SVIL: variants seen among roughly 807,000 people sequenced by gnomAD.
SVIL encodes the protein supervillin.
A neutral mutation model predicts 240.4 loss-of-function variants in SVIL; 101 were observed. The observed-to-expected ratio is 0.42, with a 90% CI of 0.36 to 0.50. SVIL has a LOEUF of 0.50. Ranked by LOEUF, SVIL falls within the 20% of genes least tolerant of loss-of-function variation. The pLI is 0.01. For synonymous variants in SVIL, 999 were observed against 1,100.0 expected, an observed-to-expected ratio of 0.91 and a Z score of 1.82; for missense variants, 2,512 against 2,818.7, an observed-to-expected ratio of 0.89 and a Z score of 2.46.
chr10:29,582,187 C>T (rs1650212120), intron 1 of SVIL, among the ~76,000 whole-genome samples: 1 of 152,170 alleles, frequency 6.6e-6, no homozygotes, highest in Non-Finnish European at 1.5e-5. Context: ...CCGAACTGTT[C>T]ACTTAAACGT....
intron 17 of SVIL, among the ~76,000 whole-genome samples, chr10:29,501,223 T>A (rs1416204184): frequency 8.3e-6 from 1 of 120,314 alleles, no homozygotes; most frequent in Non-Finnish European, 1.8e-5. Flanking sequence ...ACAAAGGGCA[T>A]TATTGGAGGA....
At chr10:29,642,242 T>A (rs969515425) in intron 3 of SVIL, among the ~76,000 whole-genome samples, 4 of 151,750 alleles carry the variant, frequency 2.6e-5, no homozygotes, top group African/African-American at 9.7e-5. Flanking sequence ...CTACTAAAAA[T>A]ACAAAAATTA....
At chr10:29,627,794 A>G (rs1199536714) in intron 1 of SVIL, among the ~76,000 whole-genome samples, 1 of 152,236 alleles carries the variant, frequency 6.6e-6, no homozygotes, top group Non-Finnish European at 1.5e-5. Context: ...CCTATTCTGA[A>G]GCACAATGAC....
rs985536505 is a variant in SVIL at position 29,471,576 on chromosome 10, T to C, written c.5530-333A>G. Among the ~76,000 whole-genome samples the C allele has an allele frequency of 3.3e-5, 5 of 152,244 alleles. 1 individual carries two copies. Among genetic ancestry groups the C allele is most frequent in the African/African-American group, 1.2e-4 (5 of 41,482 alleles). ...TATTTTAATGGTATTCTGTGGTTAT[T>C]GATGTCACAAGACTGATATAAATAC... On this transcript the variant is annotated intron_variant, in intron 30 of 37. Transcript: ENST00000355867.
At chr10:29,545,604 C>A (rs561534245) in intron 6 of SVIL, among the ~76,000 whole-genome samples, 5 of 152,030 alleles carry the variant, frequency 3.3e-5, no homozygotes, top group Admixed American at 2.6e-4. Flanking sequence ...CGCCTGTAAT[C>A]CCAGCATTTT....
At chr10:29,481,387 G>A (rs1427187943) in intron 28 of SVIL, among the ~76,000 whole-genome samples, 197 bp downstream of exon 28, 1 of 151,936 alleles carries the variant, frequency 6.6e-6, no homozygotes, top group African/African-American at 2.4e-5. Flanking sequence ...CTGCACAGTG[G>A]GGTGACTGTT....
At chr10:29,568,016 C>CA (rs796422925) in intron 2 of SVIL, among the ~76,000 whole-genome samples, 222 of 83,610 alleles carry the variant, frequency 2.7e-3, no homozygotes, top group East Asian at 9.2e-3. Context: ...GACTCCGTCT[C>CA]AAAAAAAAAA....
intron 2 of SVIL, 124 bp from the exon 3 acceptor site, chr10:29,563,416 T>A: frequency 4.4e-6 from 1 of 225,834 alleles, no homozygotes; most frequent in Non-Finnish European, 7.4e-6. Flanking sequence ...AGATTGCAGG[T>A]AAAATGTTTT....
chr10:29,708,241 G>A (rs1436660510), intron 1 of SVIL, among the ~76,000 whole-genome samples: 14 of 109,514 alleles, frequency 1.3e-4, no homozygotes, highest in Admixed American at 1.1e-3. Context: ...CTGGGAGACA[G>A]AGTGAGACTC....
intron 1 of SVIL, among the ~76,000 whole-genome samples, chr10:29,594,062 C>T (rs2488684): frequency 0.55 from 83,436 of 151,950 alleles, 23,312 homozygotes; most frequent in African/African-American, 0.59. Context: ...TTTTGAGCTT[C>T]GACATGAGAC....
intron 1 of SVIL, among the ~76,000 whole-genome samples, chr10:29,691,074 G>T (rs1961459154): frequency 6.6e-6 from 1 of 151,980 alleles, no homozygotes; most frequent in African/African-American, 2.4e-5. Context: ...AAGACTAAAA[G>T]AATATTTTTC....
Position 29,470,263 on chromosome 10 carries a change from A to G in SVIL, c.5843+13T>C. 2 of 1,614,112 alleles carry G rather than the reference A, an allele frequency of 1.2e-6. No individual in the cohort carries two copies. The highest frequency in any genetic ancestry group is 3.3e-5 in the Admixed American group (2 of 60,024). On this transcript the variant is annotated intron_variant, in intron 32 of 37. Transcript: ENST00000355867. ...CGGTGTGTGGGGGGACTCGCCGCAG[A>G]CACAACACTCACTGTTCCTTGATCT... is the stretch of plus-strand genomic sequence containing the variant.
intron 13 of SVIL, 143 bp from the exon 14 acceptor site, chr10:29,524,858 AGCT>A: frequency 7.8e-7 from 1 of 1,276,530 alleles, no homozygotes; most frequent in Non-Finnish European, 1.1e-6. Context: ...AGAGGCAGGC[AGCT>A]GTTCAGCTAC....
At chr10:29,693,493 G>A (rs1961678776) in intron 1 of SVIL, among the ~76,000 whole-genome samples, 1 of 152,104 alleles carries the variant, frequency 6.6e-6, no homozygotes, top group Admixed American at 6.5e-5. Flanking sequence ...TTTAAACTTT[G>A]CGTTGAAAGG....
intron 3 of SVIL, among the ~76,000 whole-genome samples, chr10:29,649,283 C>A (rs1253034306): frequency 1.3e-5 from 2 of 152,126 alleles, no homozygotes; most frequent in African/African-American, 4.8e-5. Flanking sequence ...TTTAAAAATC[C>A]TGTGAATCTG....
At chr10:29,459,429 C>A (rs1943968147) in intron 36 of SVIL, among the ~76,000 whole-genome samples, 1 of 152,034 alleles carries the variant, frequency 6.6e-6, no homozygotes, top group African/African-American at 2.4e-5. Flanking sequence ...GAATTATGGA[C>A]TAAGATTAGT....
chr10:29,715,042 C>G (rs1009064280), intron 1 of SVIL, among the ~76,000 whole-genome samples: 1 of 150,472 alleles, frequency 6.6e-6, no homozygotes, highest in Non-Finnish European at 1.5e-5. Context: ...TAAGTAAACA[C>G]CCCTAATATT....
chr10:29,687,359 A>C (rs773731817), intron 1 of SVIL, among the ~76,000 whole-genome samples: 6 of 152,194 alleles, frequency 3.9e-5, no homozygotes, highest in Non-Finnish European at 7.3e-5. Flanking sequence ...ACCGTATGCA[A>C]AATGTAGATT....
intron 3 of SVIL, among the ~76,000 whole-genome samples, chr10:29,558,147 G>A (rs1954109700): frequency 6.6e-6 from 1 of 152,128 alleles, no homozygotes; most frequent in Non-Finnish European, 1.5e-5. Flanking sequence ...AGGTTACACA[G>A]TACAGACGCC....
Sources: gnomAD v4.1 joint callset for allele counts (sites outside exome capture counted in the v4.1 genomes callset) on GRCh38, gnomAD v4.1.1 for gene constraint, MANE v1.5 for transcripts, NCBI Gene and HGNC (gene_info 2026-07-23, HGNC 2026-07-21) for gene names.